Variants in HMGN3 observed in about 807,000 individuals in gnomAD.
HMGN3 encodes the protein high mobility group nucleosomal binding domain 3, also known as high mobility group nucleosome-binding domain-containing protein 3.
Under a neutral mutation model 18.8 loss-of-function variants are expected in HMGN3, and 6 were observed. That is an observed-to-expected ratio of 0.32 (90% CI 0.18 to 0.63). HMGN3 has a LOEUF of 0.63. Ranked by LOEUF, HMGN3 falls within the 30% of genes least tolerant of loss-of-function variation. The pLI is 0.79. For missense variants in HMGN3, 107 were observed against 114.2 expected, an observed-to-expected ratio of 0.94 and a Z score of 0.29; for synonymous variants, 40 against 36.5, an observed-to-expected ratio of 1.10 and a Z score of -0.35.
chr6:79,210,244 T>C (rs1351027431), intron 2 of HMGN3, among the ~76,000 whole-genome samples: 6 of 152,172 alleles, frequency 3.9e-5, no homozygotes, highest in African/African-American at 1.4e-4. Context: ...GTTTTTTTAA[T>C]GTACTTTCTG....
rs1776169711 is a variant in HMGN3 at position 79,202,164 on chromosome 6, A to C, written c.261+112T>G. ...GAGCGAGAGATGTGGATCTGCAATA[A>C]CATTACAGGCAATAAAAAGAGACAT... On this transcript the variant is annotated intron_variant, in intron 5 of 5. Coordinates refer to ENST00000344726, the Ensembl canonical transcript of HMGN3. 1.3e-6 allele frequency: 2 copies of C among 1,595,514 alleles called. No individual in the cohort carries two copies. Among genetic ancestry groups the C allele is most frequent in the Non-Finnish European group, 1.7e-6 (2 of 1,175,092 alleles).
At chr6:79,219,167 G>C (rs922005652) in intron 1 of HMGN3, among the ~76,000 whole-genome samples, 6 of 152,028 alleles carry the variant, frequency 3.9e-5, no homozygotes, top group Non-Finnish European at 5.9e-5. Context: ...TAATACAACA[G>C]GACATATTGT....
intron 2 of HMGN3, among the ~76,000 whole-genome samples, chr6:79,210,029 T>G (rs1485849525): frequency 1.2e-4 from 19 of 152,154 alleles, no homozygotes; most frequent in Non-Finnish European, 2.6e-4. Flanking sequence ...GCCCTGTGAA[T>G]TAGTACAGGA....
intron 1 of HMGN3, among the ~76,000 whole-genome samples, chr6:79,229,752 C>G (rs1199421677): frequency 6.6e-6 from 1 of 151,982 alleles, no homozygotes; most frequent in Non-Finnish European, 1.5e-5. Context: ...GTGGCGGGCG[C>G]CTGTAGTCCC....
intron 1 of HMGN3, among the ~76,000 whole-genome samples, chr6:79,216,131 T>C (rs1776970809): frequency 6.6e-6 from 1 of 152,146 alleles, no homozygotes; most frequent in African/African-American, 2.4e-5. Context: ...CTTGGCAATA[T>C]GAAAAAGACA....
Position 79,201,742 on chromosome 6 carries a change from G to GAA in HMGN3, c.262-18_262-17dup. 1 of 1,574,382 alleles carries GAA rather than the reference G, an allele frequency of 6.4e-7. No individual in the cohort carries two copies. The highest frequency in any genetic ancestry group is 8.6e-7 in the Non-Finnish European group (1 of 1,158,562). ...TTTTCTGTGCCTGTGAAAAAGAAAG[G>GAA]AAAAAAAAACATATAGTTACTACTG... On this transcript the variant is annotated splice_polypyrimidine_tract_variant and intron_variant, in intron 5 of 5. Coordinates refer to ENST00000344726, the Ensembl canonical transcript of HMGN3.
At chr6:79,222,960 A>G (rs9294132) in intron 1 of HMGN3, among the ~76,000 whole-genome samples, 128,639 of 152,232 alleles carry the variant, frequency 0.85, 55,152 homozygotes, top group East Asian at 1. Context: ...TGCAGGGAAA[A>G]TATTTCTCTT....
At chr6:79,205,227 A>G (rs752568253) in intron 3 of HMGN3, among the ~76,000 whole-genome samples, 2 of 152,136 alleles carry the variant, frequency 1.3e-5, no homozygotes, top group African/African-American at 4.8e-5. Context: ...CACAACAGCA[A>G]CCCCAGCTCT....
At chr6:79,213,781 T>A (rs1444885609) in intron 2 of HMGN3, among the ~76,000 whole-genome samples, 2 of 152,182 alleles carry the variant, frequency 1.3e-5, no homozygotes, top group Non-Finnish European at 2.9e-5. Flanking sequence ...TGTGCAGGGG[T>A]TTTGGTATCA....
At chr6:79,210,827 G>A (rs1776650088) in intron 2 of HMGN3, among the ~76,000 whole-genome samples, 1 of 152,014 alleles carries the variant, frequency 6.6e-6, no homozygotes, top group South Asian at 2.1e-4. Context: ...CTCTCCATGT[G>A]AAGACCTGAA....
At chr6:79,222,978 G>T (rs1308852220) in intron 1 of HMGN3, among the ~76,000 whole-genome samples, 1 of 152,156 alleles carries the variant, frequency 6.6e-6, no homozygotes, top group Non-Finnish European at 1.5e-5. Context: ...CTTGCAATCA[G>T]ATATAAAAGA....
At chr6:79,233,897 C>G (rs1308765125) in intron 1 of HMGN3, 1 of 152,554 alleles carries the variant, frequency 6.6e-6, no homozygotes, top group African/African-American at 2.4e-5. Context: ...TTCCACGCTG[C>G]CAACTCCACC....
chr6:79,201,795 C>T, intron 5 of HMGN3, 69 bp from the exon 7 acceptor site: 1 of 1,565,982 alleles, frequency 6.4e-7, no homozygotes, highest in Non-Finnish European at 8.6e-7. Flanking sequence ...GGAAATTCCA[C>T]CCACCAACAC....
intron 1 of HMGN3, among the ~76,000 whole-genome samples, chr6:79,221,771 C>T (rs1777296164): frequency 6.6e-6 from 1 of 152,046 alleles, no homozygotes; most frequent in African/African-American, 2.4e-5. Context: ...AAGTTTAACG[C>T]TACTGCACTA....
At chr6:79,205,785 C>G (rs1179777519) in intron 3 of HMGN3, among the ~76,000 whole-genome samples, 2 of 152,120 alleles carry the variant, frequency 1.3e-5, no homozygotes, top group Non-Finnish European at 2.9e-5. Flanking sequence ...TTGGAACTTC[C>G]TAGAGACTTG....
intron 3 of HMGN3, among the ~76,000 whole-genome samples, chr6:79,205,815 C>T (rs2127813928): frequency 6.6e-6 from 1 of 152,236 alleles, no homozygotes; most frequent in South Asian, 2.1e-4. Flanking sequence ...TGTGACCTTT[C>T]CTAAAGATTT....
chr6:79,218,775 C>T (rs1252775553), intron 1 of HMGN3, among the ~76,000 whole-genome samples: 1 of 152,086 alleles, frequency 6.6e-6, no homozygotes, highest in African/African-American at 2.4e-5. Flanking sequence ...TATTTAGATA[C>T]TACATACGTA....
At chr6:79,219,119 C>G (rs1034538437) in intron 1 of HMGN3, among the ~76,000 whole-genome samples, 1 of 152,034 alleles carries the variant, frequency 6.6e-6, no homozygotes, top group Non-Finnish European at 1.5e-5. Flanking sequence ...AACACTCACA[C>G]CAAGGAACAA....
intron 4 of HMGN3, among the ~76,000 whole-genome samples, chr6:79,203,137 G>T (rs548770192): frequency 3.5e-4 from 53 of 152,200 alleles, no homozygotes; most frequent in African/African-American, 1.3e-3. Flanking sequence ...CATACTATAA[G>T]GGCCTTATAA....
Sources: gnomAD v4.1 joint callset for allele counts (sites outside exome capture counted in the v4.1 genomes callset) on GRCh38, gnomAD v4.1.1 for gene constraint, MANE v1.5 for transcripts, NCBI Gene and HGNC (gene_info 2026-07-23, HGNC 2026-07-21) for gene names.